SLC8A1: variants seen among roughly 807,000 people sequenced by gnomAD.
SLC8A1 encodes the protein sodium/calcium exchanger 1.
A neutral mutation model predicts 68.3 loss-of-function variants in SLC8A1; 18 were observed. The ratio of observed to expected loss-of-function variants is 0.26; its 90% CI spans 0.18 to 0.39. SLC8A1 has a LOEUF of 0.39. Among genes scored for constraint, SLC8A1 ranks in the 10% least tolerant of loss-of-function variants. SLC8A1 has a pLI of 1.00. For missense variants in SLC8A1, 985 were observed against 1,156.7 expected (o/e 0.85, Z 2.15); for synonymous variants, 475 against 415.5 (o/e 1.14, Z -1.74).
At chr2:40,430,087 T>C (rs756315238) in exon 2 of SLC8A1, 16 of 1,613,730 alleles carry the variant, frequency 9.9e-6, no homozygotes, top group African/African-American at 1.3e-5. Context: ...GTCTTGGGGT[T>C]CCCAAATGGG....
chr2:40,333,172 C>G lies in SLC8A1; in HGVS notation c.1808+95301G>C, dbSNP rs575769301. 2.6e-5 allele frequency among the ~76,000 whole-genome samples: 4 copies of G among 152,324 alleles called. No individual in the cohort carries two copies. The East Asian group carries it at 7.7e-4, about 29-fold the overall frequency. On this transcript the variant is annotated intron_variant, in intron 2 of 7. Coordinates refer to ENST00000406785, the Ensembl canonical transcript of SLC8A1. ...CTGTCTTTTAGGCCGGGTGCGGTGG[C>G]TCACGCCTATAATCCCAGCACTTTG...
intron 1 of SLC8A1, among the ~76,000 whole-genome samples, chr2:40,510,902 T>C (rs1332576423): frequency 6.6e-6 from 1 of 152,200 alleles, no homozygotes; most frequent in Non-Finnish European, 1.5e-5. Context: ...ACACATTTCC[T>C]CTTTCTCTGC....
chr2:40,405,251 C>G (rs1689970890), intron 2 of SLC8A1, among the ~76,000 whole-genome samples: 1 of 152,124 alleles, frequency 6.6e-6, no homozygotes, highest in South Asian at 2.1e-4. Flanking sequence ...GGAGAAGATG[C>G]TAGGGCAAGA....
intron 6 of SLC8A1, among the ~76,000 whole-genome samples, chr2:40,145,970 T>G (rs180791322): frequency 0.51 from 55,871 of 110,596 alleles, 11,624 homozygotes; most frequent in Middle Eastern, 0.63. Context: ...TTGATCTCTC[T>G]TTTTTTTGTA....
chr2:40,460,719 G>T (rs1559746468), intron 1 of SLC8A1, among the ~76,000 whole-genome samples: 1 of 151,928 alleles, frequency 6.6e-6, no homozygotes, highest in Non-Finnish European at 1.5e-5. Flanking sequence ...TTACAGGCAG[G>T]CACCGCCATG....
At chr2:40,501,494 A>C (rs1009670298) in intron 1 of SLC8A1, among the ~76,000 whole-genome samples, 3 of 152,104 alleles carry the variant, frequency 2.0e-5, no homozygotes, top group Non-Finnish European at 4.4e-5. Flanking sequence ...TTGATTCACA[A>C]GCACTCTCTT....
At chr2:40,134,443 A>G (rs1321894068) in intron 7 of SLC8A1, among the ~76,000 whole-genome samples, 1 of 152,082 alleles carries the variant, frequency 6.6e-6, no homozygotes, top group Non-Finnish European at 1.5e-5. Context: ...GCGAGAAGGG[A>G]TCATAGAAGA....
intron 2 of SLC8A1, among the ~76,000 whole-genome samples, chr2:40,237,767 G>A (rs2060598627): frequency 6.6e-6 from 1 of 152,110 alleles, no homozygotes; most frequent in Non-Finnish European, 1.5e-5. Context: ...TGATGGTGAT[G>A]TACAGATGGG....
chr2:40,307,906 G>T (rs35264779), intron 2 of SLC8A1, among the ~76,000 whole-genome samples: 25,504 of 151,966 alleles, frequency 0.17, 2,783 homozygotes, highest in East Asian at 0.37. Context: ...ATTCTAAATA[G>T]CCACAAATGA....
intron 2 of SLC8A1, among the ~76,000 whole-genome samples, chr2:40,328,706 C>G (rs972540690): frequency 2.0e-5 from 3 of 152,138 alleles, no homozygotes; most frequent in African/African-American, 7.2e-5. Context: ...TCTTTCAGGT[C>G]TCTTTCATCT....
chr2:40,181,896 A>AG (rs1264438041), intron 2 of SLC8A1, among the ~76,000 whole-genome samples: 1 of 152,214 alleles, frequency 6.6e-6, no homozygotes, highest in East Asian at 1.9e-4. Flanking sequence ...CTTCCTTCAC[A>AG]GGGGATAGTA....
At chr2:40,253,035 GTATCAGTATATGTA>G (rs1379279369) in intron 2 of SLC8A1, among the ~76,000 whole-genome samples, 2 of 39,454 alleles carry the variant, frequency 5.1e-5, no homozygotes, top group Non-Finnish European at 1.9e-4. Context: ...ATATACATAT[GTATCAGTATATGTA>G]TATATGTACA....
At chr2:40,487,080 A>G (rs1171983606) in intron 1 of SLC8A1, among the ~76,000 whole-genome samples, 1 of 151,868 alleles carries the variant, frequency 6.6e-6, no homozygotes, top group Non-Finnish European at 1.5e-5. Flanking sequence ...GTTGCATCGA[A>G]TCCCTTTTGA....
At chr2:40,379,760 C>G (rs1681121536) in intron 2 of SLC8A1, among the ~76,000 whole-genome samples, 1 of 151,932 alleles carries the variant, frequency 6.6e-6, no homozygotes, top group Non-Finnish European at 1.5e-5. Context: ...GCTCATTTTC[C>G]CAGAGCCACA....
At chr2:40,191,364 T>A (rs1170496573) in intron 2 of SLC8A1, among the ~76,000 whole-genome samples, 1 of 152,208 alleles carries the variant, frequency 6.6e-6, no homozygotes, top group Non-Finnish European at 1.5e-5. Flanking sequence ...TTGGAGTTCA[T>A]ATTCTTGATA....
chr2:40,336,920 CTTACT>C (rs988966571), intron 2 of SLC8A1, among the ~76,000 whole-genome samples: 1 of 152,094 alleles, frequency 6.6e-6, no homozygotes, highest in African/African-American at 2.4e-5. Context: ...GATAATAATG[CTTACT>C]TTATAGAGGT....
chr2:40,391,494 A>T lies in SLC8A1; in HGVS notation c.1808+36979T>A, dbSNP rs141435984. On this transcript the variant is annotated intron_variant, in intron 2 of 7. Coordinates refer to ENST00000406785, the Ensembl canonical transcript of SLC8A1. The stretch of plus-strand genomic sequence containing the variant: ...ATTACAGCTGAATTTCTCTCCCTCC[A>T]TTCAATGTGAAGTAATCATAGAGCC... 7.9e-5 allele frequency among the ~76,000 whole-genome samples: 12 copies of T among 152,160 alleles called. 1 individual carries two copies. In the East Asian group the frequency reaches 2.3e-3, roughly 30 times the overall value.
chr2:40,168,760 A>C (rs451074), intron 4 of SLC8A1, among the ~76,000 whole-genome samples: 15,035 of 152,226 alleles, frequency 0.099, 880 homozygotes, highest in Middle Eastern at 0.19. Context: ...AGAGTGAGAT[A>C]ATATGCTGTG....
intron 3 of SLC8A1, among the ~76,000 whole-genome samples, chr2:40,176,252 G>C (rs77361320): frequency 0.025 from 3,830 of 152,148 alleles, 182 homozygotes; most frequent in African/African-American, 0.087. Flanking sequence ...TATTAATAGT[G>C]ACAAGAATCC....
Sources: allele counts gnomAD v4.1 joint callset (sites outside exome capture counted in the v4.1 genomes callset), GRCh38; gene constraint gnomAD v4.1.1; transcripts MANE v1.5; gene names NCBI Gene and HGNC (gene_info 2026-07-23, HGNC 2026-07-21).